SPTLC2: variants seen among roughly 807,000 people sequenced by gnomAD.
The protein encoded by SPTLC2 is serine palmitoyltransferase 2.
In SPTLC2, 21 loss-of-function variants were observed where a neutral mutation model predicts 62.0. The observed-to-expected ratio is 0.34, with a 90% CI of 0.24 to 0.49. The LOEUF is 0.49. SPTLC2 is among the 20% of genes least tolerant of loss of function. SPTLC2 has a pLI of 0.99. For synonymous variants in SPTLC2, 261 were observed against 261.8 expected, an observed-to-expected ratio of 1.00 and a Z score of 0.03; for missense variants, 511 against 713.0, an observed-to-expected ratio of 0.72 and a Z score of 3.23.
At chr14:77,537,335 C>T (rs999096240) in intron 9 of SPTLC2, among the ~76,000 whole-genome samples, 4 of 150,822 alleles carry the variant, frequency 2.7e-5, no homozygotes, top group Non-Finnish European at 5.9e-5. Context: ...CATTTTAAGA[C>T]ATGTCTCTAC....
intron 9 of SPTLC2, among the ~76,000 whole-genome samples, chr14:77,551,490 C>T (rs8003812): frequency 0.39 from 58,419 of 151,542 alleles, 13,276 homozygotes; most frequent in East Asian, 0.87. Context: ...AGTTGCTCCC[C>T]TTTTAGTACC....
intron 5 of SPTLC2, among the ~76,000 whole-genome samples, chr14:77,566,171 T>C (rs973529045): frequency 6.6e-6 from 1 of 152,142 alleles, no homozygotes; most frequent in African/African-American, 2.4e-5. Flanking sequence ...AAAAAGGAAC[T>C]CTTTTTAGAC....
chr14:77,534,920 C>G (rs2079461271), intron 9 of SPTLC2, among the ~76,000 whole-genome samples: 1 of 148,296 alleles, frequency 6.7e-6, no homozygotes, highest in South Asian at 2.1e-4. Flanking sequence ...CCTGATGCAG[C>G]CAAGTGCTAT....
At chr14:77,551,803 T>G (rs1014944103) in intron 9 of SPTLC2, among the ~76,000 whole-genome samples, 61 of 152,186 alleles carry the variant, frequency 4.0e-4, no homozygotes, top group Non-Finnish European at 8.7e-4. Flanking sequence ...CATAAAATTA[T>G]GTAATTCAAG....
chr14:77,527,416 G>A lies in SPTLC2; in HGVS notation c.1304-5835C>T, dbSNP rs1594971379. ...AAAGGATGGAGGGTAGAGGTTGAAGGAGCGCCACAATTATCTACCTACTGA... is the reference window on the plus strand; with the variant it reads ...AAAGGATGGAGGGTAGAGGTTGAAGAAGCGCCACAATTATCTACCTACTGA... On this transcript the variant is annotated intron_variant, in intron 9 of 11. Transcript: ENST00000216484. 3.9e-5 allele frequency among the ~76,000 whole-genome samples: 6 copies of A among 152,086 alleles called. No individual in the cohort carries two copies. The South Asian group carries it at 1.2e-3, about 31-fold the overall frequency.
intron 1 of SPTLC2, among the ~76,000 whole-genome samples, chr14:77,603,814 G>A (rs113786592): frequency 0.016 from 2,484 of 152,252 alleles, 34 homozygotes; most frequent in Non-Finnish European, 0.024. Context: ...CTGCCCAGGA[G>A]TTATCACACT....
intron 6 of SPTLC2, among the ~76,000 whole-genome samples, chr14:77,559,575 T>C (rs904543532): frequency 6.6e-6 from 1 of 152,058 alleles, no homozygotes; most frequent in African/African-American, 2.4e-5. Context: ...AGGAAGACAC[T>C]GAAAACAAAG....
chr14:77,562,568 A>C, intron 5 of SPTLC2, 79 bp from the exon 6 acceptor site: 1 of 1,079,996 alleles, frequency 9.3e-7, no homozygotes, highest in Non-Finnish European at 1.4e-6. Flanking sequence ...TGCCACAAAC[A>C]CTAATAGCTG....
At chr14:77,585,774 CA>C (rs2079777650) in intron 2 of SPTLC2, among the ~76,000 whole-genome samples, 1 of 152,146 alleles carries the variant, frequency 6.6e-6, no homozygotes, top group South Asian at 2.1e-4. Flanking sequence ...TTTAAATCTA[CA>C]AAACTATAAA....
At chr14:77,528,695 C>T (rs954157824) in intron 9 of SPTLC2, among the ~76,000 whole-genome samples, 5 of 152,138 alleles carry the variant, frequency 3.3e-5, no homozygotes, top group Admixed American at 6.5e-5. Context: ...AAATACTACC[C>T]ATCATCTAGC....
intron 11 of SPTLC2, among the ~76,000 whole-genome samples, chr14:77,517,284 T>C (rs2079363963): frequency 6.6e-6 from 1 of 152,232 alleles, no homozygotes; most frequent in South Asian, 2.1e-4. Context: ...AACTCATTAA[T>C]GGATATTTCT....
chr14:77,577,918 G>A (rs1029392239), intron 3 of SPTLC2, among the ~76,000 whole-genome samples: 5 of 151,232 alleles, frequency 3.3e-5, no homozygotes, highest in Non-Finnish European at 5.9e-5. Context: ...GCCAAGGTGG[G>A]CAGATCACTT....
chr14:77,609,113 T>G (rs1160852928), intron 1 of SPTLC2, among the ~76,000 whole-genome samples: 1 of 151,858 alleles, frequency 6.6e-6, no homozygotes, highest in Non-Finnish European at 1.5e-5. Context: ...TGTATTCTGT[T>G]ATTAGTGACA....
intron 4 of SPTLC2, among the ~76,000 whole-genome samples, chr14:77,571,726 A>G (rs1454609583): frequency 6.6e-6 from 1 of 152,210 alleles, no homozygotes. Context: ...CTAAATAGCA[A>G]TAATAATTTG....
At chr14:77,602,287 A>G (rs913386395) in intron 1 of SPTLC2, among the ~76,000 whole-genome samples, 3 of 152,126 alleles carry the variant, frequency 2.0e-5, no homozygotes, top group Non-Finnish European at 4.4e-5. Context: ...TGGGCACCTC[A>G]AACTCAACAA....
At chr14:77,552,365 A>G (rs939152633) in intron 8 of SPTLC2, 143 bp from the exon 9 acceptor site, 19 of 1,022,098 alleles carry the variant, frequency 1.9e-5, no homozygotes, top group African/African-American at 1.1e-4. Context: ...AGGTCAACCA[A>G]CATGGTCGAA....
At position 77,567,583 on chromosome 14, in the gene SPTLC2, A is replaced by C. The variant is rs542084213; in HGVS notation, c.756+2801T>G. 3.9e-5 allele frequency among the ~76,000 whole-genome samples: 6 copies of C among 152,322 alleles called. No homozygotes were observed. The East Asian group carries it at 1.2e-3, about 29-fold the overall frequency. On this transcript the variant is annotated intron_variant, in intron 5 of 11. Transcript: ENST00000216484. ...ATCCTTTAATGTCCATAGGACGTGTAGTGATGTCCCCCTCTCTCATTCCTG... is the reference window on the plus strand; with the variant it reads ...ATCCTTTAATGTCCATAGGACGTGTCGTGATGTCCCCCTCTCTCATTCCTG...
chr14:77,529,625 T>TTC (rs1566770046), intron 9 of SPTLC2, among the ~76,000 whole-genome samples: 9 of 89,382 alleles, frequency 1.0e-4, no homozygotes, highest in East Asian at 8.0e-4. Flanking sequence ...TCTTTCTTTT[T>TTC]TTTTTTTTTT....
chr14:77,586,603 T>C (rs1054004208), intron 2 of SPTLC2, among the ~76,000 whole-genome samples: 1 of 152,140 alleles, frequency 6.6e-6, no homozygotes, highest in Admixed American at 6.6e-5. Context: ...GCTACAATGG[T>C]ACATGAATCT....
Sources: gnomAD v4.1 joint callset for allele counts (sites outside exome capture counted in the v4.1 genomes callset) on GRCh38, gnomAD v4.1.1 for gene constraint, MANE v1.5 for transcripts, NCBI Gene and HGNC (gene_info 2026-07-23, HGNC 2026-07-21) for gene names.